Variants in NAALADL2 observed in about 807,000 individuals in gnomAD.
The protein encoded by NAALADL2 is inactive N-acetylated-alpha-linked acidic dipeptidase-like protein 2.
A neutral mutation model predicts 87.2 loss-of-function variants in NAALADL2; 76 were observed. That is an observed-to-expected ratio of 0.87 (90% CI 0.72 to 1.05). The LOEUF is 1.05. Among genes scored for constraint, NAALADL2 ranks in the 50% least tolerant of loss-of-function variants. The probability of loss-of-function intolerance (pLI) is 0.00; values close to 1 mark genes in which losing one functional copy is unlikely to be tolerated. For synonymous variants in NAALADL2, 354 were observed against 331.0 expected, an observed-to-expected ratio of 1.07 and a Z score of -0.75; for missense variants, 1,089 against 945.8, an observed-to-expected ratio of 1.15 and a Z score of -1.99.
intron 1 of NAALADL2, among the ~76,000 whole-genome samples, chr3:175,073,768 T>G (rs991888756): frequency 5.3e-5 from 8 of 152,076 alleles, no homozygotes; most frequent in African/African-American, 1.9e-4. Flanking sequence ...AACTAGTGGT[T>G]ATTGTGGTGC....
At chr3:175,365,370 A>G (rs947074674) in intron 5 of NAALADL2, among the ~76,000 whole-genome samples, 1 of 147,542 alleles carries the variant, frequency 6.8e-6, no homozygotes, top group African/African-American at 2.5e-5. Context: ...AAATCTATTT[A>G]GATAATATTA....
chr3:175,409,605 G>A lies in NAALADL2; in HGVS notation c.1091-37624G>A, dbSNP rs73186728. Among the ~76,000 whole-genome samples the A allele has an allele frequency of 9.1e-3, 1,386 of 151,622 alleles. 15 individuals are homozygous for A. Among genetic ancestry groups the A allele is most frequent in the Non-Finnish European group, 0.015 (985 of 67,784 alleles). Reference sequence around the variant, plus strand: ...TTTATGTTATTTAAACAAACAGAAGGAAAACATTTTTTTTACCAATCTCCC... The same window carrying A: ...TTTATGTTATTTAAACAAACAGAAGAAAAACATTTTTTTTACCAATCTCCC... On this transcript the variant is annotated intron_variant, in intron 5 of 13. Transcript: ENST00000454872.
At chr3:175,558,204 A>G (rs1715649002) in intron 9 of NAALADL2, among the ~76,000 whole-genome samples, 1 of 113,884 alleles carries the variant, frequency 8.8e-6, no homozygotes, top group Non-Finnish European at 2.1e-5. Context: ...CAAAAAAAAA[A>G]AAAAAAAAAA....
chr3:174,573,689 G>C (rs1014852558), intron 2 of NAALADL2, among the ~76,000 whole-genome samples: 2 of 151,994 alleles, frequency 1.3e-5, no homozygotes, highest in Non-Finnish European at 2.9e-5. Context: ...GGCAAGGTGA[G>C]GGGGAGGGAA....
intron 11 of NAALADL2, among the ~76,000 whole-genome samples, chr3:175,700,904 C>T (rs958715353): frequency 6.6e-6 from 1 of 151,974 alleles, no homozygotes; most frequent in Non-Finnish European, 1.5e-5. Context: ...CAAAAGGGAG[C>T]ATTAGAGAGG....
At chr3:175,193,263 T>C (rs778745671) in intron 2 of NAALADL2, among the ~76,000 whole-genome samples, 6 of 151,910 alleles carry the variant, frequency 3.9e-5, no homozygotes, top group African/African-American at 9.7e-5. Flanking sequence ...GGTTTTCTTA[T>C]TGTAAAATGG....
chr3:175,567,470 G>T (rs1450258165), intron 9 of NAALADL2, among the ~76,000 whole-genome samples: 1 of 151,616 alleles, frequency 6.6e-6, no homozygotes, highest in Non-Finnish European at 1.5e-5. Context: ...AAATATAAAA[G>T]AACATTTTTC....
chr3:174,802,178 C>G lies in NAALADL2; in HGVS notation c.-9+64432C>G, dbSNP rs137966900. Among the ~76,000 whole-genome samples the G allele has an allele frequency of 2.6e-3, 396 of 152,018 alleles. 2 individuals carry two copies. Among genetic ancestry groups the G allele is most frequent in the African/African-American group, 9.0e-3 (374 of 41,506 alleles). ...ATATTAAACAATAATTATTGTTTCT[C>G]TATTTCTTACAAACCCATGCCAAGT... On this transcript the variant is annotated intron_variant, in intron 3 of 3. Coordinates refer to the NAALADL2 transcript ENST00000434257.
chr3:175,425,739 C>G (rs775791707), intron 5 of NAALADL2, among the ~76,000 whole-genome samples: 34 of 151,992 alleles, frequency 2.2e-4, no homozygotes, highest in Non-Finnish European at 4.4e-4. Context: ...CCACTGTTTC[C>G]TAGATAATTT....
At chr3:175,359,373 A>G (rs1315055737) in intron 5 of NAALADL2, among the ~76,000 whole-genome samples, 1 of 152,106 alleles carries the variant, frequency 6.6e-6, no homozygotes, top group Non-Finnish European at 1.5e-5. Context: ...TGGTGTGATT[A>G]TCCATTTTAA....
At position 175,800,920 on chromosome 3, in the gene NAALADL2, T is replaced by C. The variant is rs137971997; in HGVS notation, c.2190-2085T>C. 7.5e-3 allele frequency among the ~76,000 whole-genome samples: 1,136 copies of C among 152,132 alleles called. 17 individuals carry two copies. The highest frequency in any genetic ancestry group is 0.026 in the African/African-American group (1,066 of 41,482). ...TGGATAAATGAATATCAGAAGCCGA[T>C]TGGACATGTAAGGAAAGCGAATGAC... On this transcript the variant is annotated intron_variant, in intron 13 of 13. Coordinates refer to ENST00000454872, the MANE Select transcript of NAALADL2 (RefSeq NM_207015.3).
chr3:174,793,664 A>T (rs1034644386), intron 3 of NAALADL2, among the ~76,000 whole-genome samples: 9 of 152,156 alleles, frequency 5.9e-5, no homozygotes, highest in African/African-American at 2.2e-4. Context: ...ACAGGACAAA[A>T]GTCTAAGTTT....
intron 13 of NAALADL2, among the ~76,000 whole-genome samples, chr3:175,801,537 T>C (rs1361619942): frequency 6.6e-6 from 1 of 152,102 alleles, no homozygotes; most frequent in Admixed American, 6.6e-5. Flanking sequence ...TGTCTTCATC[T>C]CTTTTAGCTT....
At chr3:174,709,003 C>T (rs190088584) in intron 2 of NAALADL2, among the ~76,000 whole-genome samples, 2 of 152,198 alleles carry the variant, frequency 1.3e-5, no homozygotes, top group African/African-American at 2.4e-5. Flanking sequence ...CTCAACCCAA[C>T]ATGATTCAAA....
chr3:175,168,061 G>A (rs542205072), intron 2 of NAALADL2, among the ~76,000 whole-genome samples: 147 of 151,728 alleles, frequency 9.7e-4, no homozygotes, highest in Middle Eastern at 3.4e-3. Flanking sequence ...CCCAAACCAC[G>A]TTTCCACTTT....
intron 13 of NAALADL2, among the ~76,000 whole-genome samples, chr3:175,785,174 T>C (rs1405799696): frequency 6.7e-6 from 1 of 150,212 alleles, no homozygotes; most frequent in Non-Finnish European, 1.5e-5. Flanking sequence ...AAAAAATGTA[T>C]ATTCTGTTGA....
In NAALADL2 at chr3:175,551,417, A is replaced by T. The variant is rs77466455; in HGVS notation, c.1654-24624A>T. On this transcript the variant is annotated intron_variant, in intron 9 of 13. Transcript: ENST00000454872. ...TTGGTCAGATCTCTTACTCATGTCAATTGGATATATAAAACAGCTGTTGAC... is the reference window on the plus strand; with the variant it reads ...TTGGTCAGATCTCTTACTCATGTCATTTGGATATATAAAACAGCTGTTGAC... 1.6e-3 allele frequency among the ~76,000 whole-genome samples: 241 copies of T among 152,238 alleles called. 5 individuals carry two copies. In the East Asian group the frequency reaches 0.033, roughly 21 times the overall value.
chr3:175,013,295 A>ATTTTT (rs1220823542), intron 1 of NAALADL2, among the ~76,000 whole-genome samples: 4 of 77,412 alleles, frequency 5.2e-5, no homozygotes, highest in African/African-American at 1.7e-4. Flanking sequence ...ATATATATAT[A>ATTTTT]TATATATTTT....
At chr3:174,850,911 T>C (rs951215820) in intron 3 of NAALADL2, among the ~76,000 whole-genome samples, 4 of 152,154 alleles carry the variant, frequency 2.6e-5, no homozygotes, top group Non-Finnish European at 5.9e-5. Context: ...ATATCAAGTA[T>C]CTTTTCTGAC....
Sources: allele counts gnomAD v4.1 joint callset (sites outside exome capture counted in the v4.1 genomes callset), GRCh38; gene constraint gnomAD v4.1.1; transcripts MANE v1.5; gene names NCBI Gene and HGNC (gene_info 2026-07-23, HGNC 2026-07-21).